Variants in MYO1E observed in about 807,000 individuals in gnomAD.
The protein encoded by MYO1E is unconventional myosin-Ie.
Under a neutral mutation model 151.1 loss-of-function variants are expected in MYO1E, and 68 were observed. The ratio of observed to expected loss-of-function variants is 0.45; its 90% CI spans 0.37 to 0.55. MYO1E has a LOEUF of 0.55. MYO1E is among the 20% of genes least tolerant of loss of function. The pLI, the probability that MYO1E is intolerant of heterozygous loss-of-function variation, is 0.00. For missense variants in MYO1E, 1,363 were observed against 1,389.3 expected, an observed-to-expected ratio of 0.98 and a Z score of 0.30; for synonymous variants, 601 against 501.7, an observed-to-expected ratio of 1.20 and a Z score of -2.64.
intron 5 of MYO1E, among the ~76,000 whole-genome samples, chr15:59,234,136 A>G (rs2080046001): frequency 1.3e-5 from 2 of 152,060 alleles, no homozygotes; most frequent in Admixed American, 1.3e-4. Flanking sequence ...TCACTCTGCA[A>G]CCTTAGTTTG....
intron 18 of MYO1E, among the ~76,000 whole-genome samples, chr15:59,182,990 T>C (rs1339561969): frequency 6.6e-6 from 1 of 152,172 alleles, no homozygotes; most frequent in Non-Finnish European, 1.5e-5. Context: ...CAGTTCACAA[T>C]AGGGTTTGTG....
intron 23 of MYO1E, among the ~76,000 whole-genome samples, chr15:59,161,966 T>G (rs1207233624): frequency 6.6e-6 from 1 of 152,192 alleles, no homozygotes; most frequent in East Asian, 1.9e-4. Flanking sequence ...TTGGCCTTAT[T>G]TTTGTAGCTA....
At chr15:59,325,863 C>A (rs759371298) in intron 1 of MYO1E, among the ~76,000 whole-genome samples, 1 of 152,068 alleles carries the variant, frequency 6.6e-6, no homozygotes, top group Non-Finnish European at 1.5e-5. Context: ...CTGTCAAATG[C>A]GGGACATGGA....
chr15:59,176,510 G>A (rs1050135808), intron 19 of MYO1E, among the ~76,000 whole-genome samples: 1 of 148,882 alleles, frequency 6.7e-6, no homozygotes, highest in Non-Finnish European at 1.5e-5. Context: ...TGCCCAGGCT[G>A]GACTGCAGTG....
At chr15:59,170,365 T>C (rs2079585490) in intron 22 of MYO1E, among the ~76,000 whole-genome samples, 1 of 152,178 alleles carries the variant, frequency 6.6e-6, no homozygotes, top group Non-Finnish European at 1.5e-5. Flanking sequence ...CTGCTGTGCC[T>C]GCCAAGCACG....
chr15:59,158,829 A>T (rs1185188948), intron 24 of MYO1E, among the ~76,000 whole-genome samples: 4 of 152,208 alleles, frequency 2.6e-5, no homozygotes, highest in Non-Finnish European at 4.4e-5. Flanking sequence ...TGCACGCAAG[A>T]GTGTGTGTTC....
intron 4 of MYO1E, among the ~76,000 whole-genome samples, chr15:59,243,261 CAT>C (rs1316818214): frequency 6.6e-6 from 1 of 152,100 alleles, no homozygotes; most frequent in Non-Finnish European, 1.5e-5. Flanking sequence ...TCTATTAAAA[CAT>C]AGTCTAGACG....
At chr15:59,137,588 A>G (rs1241037211) in intron 27 of MYO1E, 132 bp from the exon 28 acceptor site, 3 of 786,674 alleles carry the variant, frequency 3.8e-6, no homozygotes, top group East Asian at 2.6e-5. Context: ...TTTAAATCAA[A>G]AAGTTTGTTG....
At chr15:59,320,349 G>T (rs1283726963) in intron 1 of MYO1E, among the ~76,000 whole-genome samples, 1 of 151,724 alleles carries the variant, frequency 6.6e-6, no homozygotes, top group Non-Finnish European at 1.5e-5. Flanking sequence ...ACCAAAAAAG[G>T]GCCCAAATAC....
chr15:59,183,823 CCCCTTCCCCCACTA>C (rs1375422205), intron 18 of MYO1E, among the ~76,000 whole-genome samples: 1 of 152,162 alleles, frequency 6.6e-6, no homozygotes, highest in Non-Finnish European at 1.5e-5. Context: ...CACCTCCCTT[CCCCTTCCCCCACTA>C]CCCTTCCCAG....
intron 4 of MYO1E, among the ~76,000 whole-genome samples, chr15:59,243,224 G>C (rs959252028): frequency 2.7e-5 from 4 of 150,488 alleles, no homozygotes; most frequent in Non-Finnish European, 4.4e-5. Flanking sequence ...TAATTCTAGA[G>C]TTATAAAAGA....
chr15:59,315,581 T>C (rs994529845), intron 1 of MYO1E, among the ~76,000 whole-genome samples: 18 of 151,838 alleles, frequency 1.2e-4, no homozygotes, highest in Non-Finnish European at 8.8e-5. Flanking sequence ...AGTTCTGATC[T>C]GCCAAGAAAT....
Position 59,227,583 on chromosome 15 carries a change from T to C in MYO1E, c.518A>G (p.Tyr173Cys), listed in dbSNP as rs2079999814. The change falls in exon 7 of 28, where the codon TAC becomes TGC. Residue 173 changes from tyrosine to cysteine, a missense_variant. Coordinates refer to ENST00000288235, the MANE Select transcript of MYO1E (RefSeq NM_004998.4). ...ACCTGGACTGAACTGGATTTCAAAG[T>C]ATTTTCCCTGCAAGAAAGTTAGGGA... ...RNNNSSRFGK[Y>C]FEIQFSPGGE... 2 of 1,614,032 alleles carry C rather than the reference T, an allele frequency of 1.2e-6. No individual in the cohort carries two copies. The highest frequency in any genetic ancestry group is 2.2e-5 in the South Asian group (2 of 91,090).
intron 12 of MYO1E, among the ~76,000 whole-genome samples, chr15:59,211,110 G>C (rs1418541248): frequency 6.6e-6 from 1 of 151,122 alleles, no homozygotes; most frequent in Non-Finnish European, 1.5e-5. Context: ...TGAGGCAGGA[G>C]AATTGCTTGA....
intron 5 of MYO1E, among the ~76,000 whole-genome samples, chr15:59,233,728 C>T (rs1447164550): frequency 6.8e-6 from 1 of 147,886 alleles, no homozygotes; most frequent in Admixed American, 6.8e-5. Context: ...CATGTCAACC[C>T]TCTCAGGATC....
rs2079866527 is a variant in MYO1E, at chr15:59,209,813, ACCTTTTTTTT to A, written c.1362+691_1362+700del. 1.3e-4 allele frequency among the ~76,000 whole-genome samples: 9 copies of A among 71,166 alleles called. 1 individual carries two copies. The highest frequency in any genetic ancestry group is 3.9e-4 in the South Asian group (1 of 2,568). The allele number at this position is 71,166 out of a possible 152,430, so 46.7% of individuals were successfully genotyped here. A position where few individuals can be genotyped will look rare whatever the true frequency, so the allele number is the denominator to read the frequency against. The stretch of plus-strand genomic sequence containing the variant: ...TTCTGTATCACTTTTATTTTGAATC[ACCTTTTTTTT>A]TTTTTTTTTTTTTTTTTTTTTTTTG... On this transcript the variant is annotated intron_variant, in intron 13 of 27. Coordinates refer to ENST00000288235, the MANE Select transcript of MYO1E (RefSeq NM_004998.4).
rs1490231382 is a variant in MYO1E, at chr15:59,135,921, A to AT, written c.*1458dup. 6.6e-6 allele frequency: 1 copy of AT among 152,238 alleles called. No homozygotes were observed. Among genetic ancestry groups the AT allele is most frequent in the Non-Finnish European group, 1.5e-5 (1 of 68,054 alleles). 9.4% of individuals were successfully genotyped at this position (152,238 alleles called of 1,614,324 possible). ...CTTTTCACTATTATGGCAAGAAAAC[A>AT]TTGTTTTAGTTTGTTAGGGCTGCCG... On this transcript the variant is annotated 3_prime_UTR_variant, in exon 28 of 28. Transcript: ENST00000288235.
chr15:59,207,564 T>C (rs376615578), intron 14 of MYO1E: 1 of 1,614,142 alleles, frequency 6.2e-7, no homozygotes, highest in Non-Finnish European at 8.5e-7. Context: ...ACCGTATTAT[T>C]GGAAGCGGCT....
chr15:59,334,354 G>C (rs2080715724), intron 1 of MYO1E, among the ~76,000 whole-genome samples: 3 of 152,016 alleles, frequency 2.0e-5, no homozygotes, highest in Non-Finnish European at 2.9e-5. Context: ...AATTATAAAG[G>C]CTTAAGGTGA....
Sources: allele counts gnomAD v4.1 joint callset (sites outside exome capture counted in the v4.1 genomes callset), GRCh38; gene constraint gnomAD v4.1.1; transcripts MANE v1.5; gene names NCBI Gene and HGNC (gene_info 2026-07-23, HGNC 2026-07-21).